Variants in ZNF558 observed in about 807,000 individuals in gnomAD.
ZNF558 encodes the protein zinc finger protein 558.
A neutral mutation model predicts 37.6 loss-of-function variants in ZNF558; 23 were observed. The ratio of observed to expected loss-of-function variants is 0.61; its 90% confidence interval spans 0.44 to 0.87. ZNF558 has a LOEUF of 0.87. ZNF558 is among the 40% of genes least tolerant of loss of function. The probability of loss-of-function intolerance (pLI) is 0.00; values close to 1 mark genes in which losing one functional copy is unlikely to be tolerated. For synonymous variants in ZNF558, 189 were observed against 174.4 expected (o/e 1.08, Z -0.66); for missense variants, 429 against 483.7 (o/e 0.89, Z 1.06).
At chr19:8,820,368 T>C (rs2044053118) in intron 7 of ZNF558, among the ~76,000 whole-genome samples, 1 of 152,186 alleles carries the variant, frequency 6.6e-6, no homozygotes, top group African/African-American at 2.4e-5. Flanking sequence ...TGGAAACAAC[T>C]CAAATGTTTC....
At chr19:8,826,723 G>C (rs760997176) in intron 2 of ZNF558, among the ~76,000 whole-genome samples, 3 of 152,172 alleles carry the variant, frequency 2.0e-5, no homozygotes, top group Non-Finnish European at 2.9e-5. Flanking sequence ...GGGAATGCAG[G>C]CCTTCCAGCT....
At chr19:8,834,867 A>G (rs1007167475), upstream of ZNF558, among the ~76,000 whole-genome samples, 5 of 152,162 alleles carry the variant, frequency 3.3e-5, no homozygotes, top group African/African-American at 9.7e-5. Context: ...GAAAAAATAT[A>G]TAAATTGGAC....
At chr19:8,826,159 C>T (rs530497418) in intron 2 of ZNF558, among the ~76,000 whole-genome samples, 3 of 152,164 alleles carry the variant, frequency 2.0e-5, no homozygotes, top group Admixed American at 6.5e-5. Context: ...ATGGGTTCTC[C>T]CCTAGAGCCT....
chr19:8,817,286 T>C (rs1288141161), intron 7 of ZNF558, among the ~76,000 whole-genome samples: 1 of 152,204 alleles, frequency 6.6e-6, no homozygotes, highest in Non-Finnish European at 1.5e-5. Flanking sequence ...TTTAACTTTA[T>C]GATGGTACAA....
At chr19:8,836,121 G>A (rs137893612), upstream of ZNF558, among the ~76,000 whole-genome samples, 1 of 152,202 alleles carries the variant, frequency 6.6e-6, no homozygotes, top group African/African-American at 2.4e-5. Flanking sequence ...TTACACAAAA[G>A]TGTAAAAACT....
chr19:8,834,384 C>A (rs565420561), upstream of ZNF558, among the ~76,000 whole-genome samples: 2 of 151,736 alleles, frequency 1.3e-5, no homozygotes, highest in East Asian at 3.9e-4. Flanking sequence ...CTGAGGCAGG[C>A]AGATCACGAG....
At chr19:8,837,562 C>T in the ZNF558 span, among the ~76,000 whole-genome samples, 2 of 152,236 alleles carry the variant, frequency 1.3e-5, no homozygotes, top group East Asian at 3.9e-4. Flanking sequence ...ATGGGGGTGG[C>T]TAGAAACTTC....
At chr19:8,830,609 C>T (rs541252435) in intron 2 of ZNF558, among the ~76,000 whole-genome samples, 1 of 152,204 alleles carries the variant, frequency 6.6e-6, no homozygotes, top group African/African-American at 2.4e-5. Context: ...ATCAAATCAA[C>T]AGCTGGGTGC....
intron 4 of ZNF558, 88 bp downstream of exon 4, chr19:8,823,994 A>C (rs1414069836): frequency 6.5e-6 from 1 of 152,766 alleles, no homozygotes; most frequent in African/African-American, 2.4e-5. Flanking sequence ...CTCTGTGGTA[A>C]CTGCTTCCTA....
intron 7 of ZNF558, among the ~76,000 whole-genome samples, chr19:8,817,510 G>A (rs1389173906): frequency 6.6e-6 from 1 of 150,816 alleles, no homozygotes; most frequent in Non-Finnish European, 1.5e-5. Flanking sequence ...TGTTCAGTGG[G>A]TTAGGTGAAT....
chr19:8,825,382 T>C (rs1266319553), intron 2 of ZNF558, among the ~76,000 whole-genome samples: 1 of 152,064 alleles, frequency 6.6e-6, no homozygotes, highest in Non-Finnish European at 1.5e-5. Flanking sequence ...AAACCTGCAA[T>C]TACTTTTGCA....
At chr19:8,827,006 G>T (rs1200235115) in intron 2 of ZNF558, among the ~76,000 whole-genome samples, 1 of 152,110 alleles carries the variant, frequency 6.6e-6, no homozygotes, top group East Asian at 1.9e-4. Context: ...GTGAGGGGGG[G>T]TTGGCCTCCA....
At chr19:8,825,398 TTAATAAA>T (rs1242290024) in intron 2 of ZNF558, among the ~76,000 whole-genome samples, 1 of 151,968 alleles carries the variant, frequency 6.6e-6, no homozygotes, top group Non-Finnish European at 1.5e-5. Flanking sequence ...TTGCAGCAAC[TTAATAAA>T]TAACAAAGAA....
upstream of ZNF558, among the ~76,000 whole-genome samples, chr19:8,832,720 G>T (rs563599052): frequency 6.6e-6 from 1 of 152,056 alleles, no homozygotes; most frequent in Non-Finnish European, 1.5e-5. Context: ...CCAGTTCTCG[G>T]GGCGGATGGT....
chr19:8,821,045 A>G, intron 7 of ZNF558, 135 bp downstream of exon 7: 5 of 1,336,342 alleles, frequency 3.7e-6, no homozygotes, highest in South Asian at 1.5e-5. Context: ...AAACCACTGG[A>G]CTGGATATCT....
chr19:8,828,149 C>G (rs990417420), intron 2 of ZNF558, among the ~76,000 whole-genome samples: 1 of 152,158 alleles, frequency 6.6e-6, no homozygotes, highest in African/African-American at 2.4e-5. Context: ...AGGGAAATTC[C>G]GAGCATCCAG....
rs756115222 is a variant in ZNF558 at position 8,821,291 on chromosome 19, C to T, written c.136G>A (p.Glu46Lys). The change falls in exon 7 of 10, where the codon GAG becomes AAG. Residue 46 changes from glutamate (E) to lysine (K), a missense_variant. Glu to Lys is a moderately conservative substitution (Grantham distance 56, BLOSUM62 1). Coordinates refer to ENST00000601372, the MANE Select transcript of ZNF558 (RefSeq NM_144693.3). ...TGGGTGAACTCCACGGCCACATCCT[C>T]GAAGGTTACCAAGCCCTAAAGCATT... ...TSWLRGLVTF[E>K]DVAVEFTQEE... 9.3e-6 allele frequency: 15 copies of T among 1,614,196 alleles called. No homozygotes were observed. The highest frequency in any genetic ancestry group is 4.0e-5 in the African/African-American group (3 of 75,036).
intron 7 of ZNF558, among the ~76,000 whole-genome samples, chr19:8,817,761 A>C (rs10423641): frequency 0.031 from 4,654 of 152,326 alleles, 249 homozygotes; most frequent in African/African-American, 0.1. Context: ...TTATAGTTGT[A>C]TAAAGCATCA....
intron 2 of ZNF558, among the ~76,000 whole-genome samples, chr19:8,828,528 A>C (rs917133650): frequency 6.6e-6 from 1 of 152,188 alleles, no homozygotes; most frequent in African/African-American, 2.4e-5. Context: ...AATCAGAAAA[A>C]TCTTTGAATC....
Sources: gnomAD v4.1 joint callset for allele counts (sites outside exome capture counted in the v4.1 genomes callset) on GRCh38, gnomAD v4.1.1 for gene constraint, MANE v1.5 for transcripts, NCBI Gene and HGNC (gene_info 2026-07-23, HGNC 2026-07-21) for gene names.